PRPH2: variants seen among roughly 807,000 people sequenced by gnomAD.
PRPH2 encodes the protein peripherin 2, also known as peripherin-2.
Under a neutral mutation model 31.3 loss-of-function variants are expected in PRPH2, and 17 were observed. The observed-to-expected ratio is 0.54, with a 90% CI of 0.37 to 0.81. The LOEUF is 0.81. PRPH2 is among the 40% of genes least tolerant of loss of function. The pLI, the probability that PRPH2 is intolerant of heterozygous loss-of-function variation, is 0.00. For synonymous variants in PRPH2, 165 were observed against 184.4 expected (o/e 0.89, Z 0.85); for missense variants, 430 against 439.7 (o/e 0.98, Z 0.20).
intron 1 of PRPH2, among the ~76,000 whole-genome samples, chr6:42,709,056 C>T (rs1800225453): frequency 2.0e-5 from 3 of 152,078 alleles, no homozygotes; most frequent in African/African-American, 4.8e-5. Flanking sequence ...TCCAGCCGGG[C>T]GCGGTGGCTC....
chr6:42,713,660 C>G (rs1761719206), intron 1 of PRPH2, among the ~76,000 whole-genome samples: 1 of 151,888 alleles, frequency 6.6e-6, no homozygotes. Context: ...GTGGCTCACA[C>G]CTGTAATCTC....
intron 2 of PRPH2, among the ~76,000 whole-genome samples, chr6:42,699,962 C>CTTTT (rs70990126): frequency 0.47 from 65,249 of 137,560 alleles, 16,106 homozygotes; most frequent in South Asian, 0.52. Context: ...ATTGTTTTCA[C>CTTTT]TTTTTTTTTT....
At chr6:42,721,692 G>C in intron 1 of PRPH2, 62 bp downstream of exon 1, 5 of 1,588,140 alleles carry the variant, frequency 3.1e-6, no homozygotes, top group Non-Finnish European at 4.3e-6. Flanking sequence ...CTGGTCAGAG[G>C]CCTGAGCCTC....
At chr6:42,719,132 C>T (rs1010812811) in intron 1 of PRPH2, among the ~76,000 whole-genome samples, 15 of 151,432 alleles carry the variant, frequency 9.9e-5, no homozygotes, top group Non-Finnish European at 1.9e-4. Context: ...AATCTGAATG[C>T]TTGCCTAAGC....
rs955930526 is a variant in PRPH2 at position 42,698,327 on chromosome 6, C to A, written c.1009G>T (p.Ala337Ser). 6.2e-7 allele frequency: 1 copy of A among 1,613,974 alleles called. No homozygotes were observed. The highest frequency in any genetic ancestry group is 8.5e-7 in the Non-Finnish European group (1 of 1,179,904). Reference protein sequence around the residue: ...GKGNQVEAEGADAGQAPEAG With the variant: ...GKGNQVEAEGSDAGQAPEAG ...GCCTCTGGGGCCTGGCCTGCGTCTG[C>A]GCCCTCGGCTTCCACCTGGTTGCCC... Residue 337 changes from alanine (A) to serine (S), a missense_variant, in exon 3 of 3, where the codon GCA becomes TCA. Coordinates refer to ENST00000230381, the MANE Select transcript of PRPH2 (RefSeq NM_000322.5).
At chr6:42,719,740 TG>T (rs1761861721) in intron 1 of PRPH2, among the ~76,000 whole-genome samples, 1 of 151,930 alleles carries the variant, frequency 6.6e-6, no homozygotes, top group Non-Finnish European at 1.5e-5. Flanking sequence ...CGGCTAATTT[TG>T]TATTTTTAGT....
rs75063935 is a variant in PRPH2, at chr6:42,704,631, C to G, written c.582-20G>C. 6 of 1,614,100 alleles carry G rather than the reference C, an allele frequency of 3.7e-6. No individual in the cohort carries two copies. In the East Asian group the frequency reaches 1.3e-4, roughly 36 times the overall value. ...ATTCGACTTAAAGGGAAACAGACAG[C>G]TGGAGATGGGCTTCCCGGGCTTCTC... is the stretch of plus-strand genomic sequence containing the variant. On this transcript the variant is annotated intron_variant, in intron 1 of 2. Coordinates refer to ENST00000230381, the MANE Select transcript of PRPH2 (RefSeq NM_000322.5).
At chr6:42,705,619 T>A (rs1238796130) in intron 1 of PRPH2, among the ~76,000 whole-genome samples, 1 of 123,476 alleles carries the variant, frequency 8.1e-6, no homozygotes, top group East Asian at 2.4e-4. Flanking sequence ...TATATATATA[T>A]ATATATATAT....
chr6:42,718,955 G>A (rs1240003892), intron 1 of PRPH2, among the ~76,000 whole-genome samples: 1 of 152,060 alleles, frequency 6.6e-6, no homozygotes, highest in African/African-American at 2.4e-5. Flanking sequence ...GTGCGCCACT[G>A]ATCCCAGCCC....
In PRPH2 at chr6:42,698,337, T is replaced by A. The variant is rs1382506896; in HGVS notation, c.999A>T (p.Glu333Asp). Residue 333 changes from glutamate (E) to aspartate (D), a missense_variant, in exon 3 of 3, where the codon GAA (glutamate) becomes GAT (aspartate). By Grantham distance (45) the Glu-to-Asp change is conservative. Coordinates refer to ENST00000230381, the MANE Select transcript of PRPH2 (RefSeq NM_000322.5). ...VKKLGKGNQVEAEGADAGQAP... is the reference protein window; with the variant it reads ...VKKLGKGNQVDAEGADAGQAP... ...CCTGGCCTGCGTCTGCGCCCTCGGC[T>A]TCCACCTGGTTGCCCTTGCCCAGCT... 1 of 1,613,962 alleles carries A rather than the reference T, an allele frequency of 6.2e-7. No individual in the cohort carries two copies. Among genetic ancestry groups the A allele is most frequent in the East Asian group, 2.2e-5 (1 of 44,856 alleles).
Position 42,698,255 on chromosome 6 carries a change from C to G in PRPH2, c.*40G>C. 1.9e-6 allele frequency: 3 copies of G among 1,611,464 alleles called. No homozygotes were observed. The highest frequency in any genetic ancestry group is 2.5e-6 in the Non-Finnish European group (3 of 1,179,414). ...GGAGATCCACGTTTCTTGGAGTGCA[C>G]TATTTCTCAGTGTTCGGGAGGGGAG... On this transcript the variant is annotated 3_prime_UTR_variant, in exon 3 of 3. Coordinates refer to ENST00000230381, the MANE Select transcript of PRPH2 (RefSeq NM_000322.5).
chr6:42,703,504 G>A (rs1487700208), intron 2 of PRPH2, among the ~76,000 whole-genome samples: 1 of 152,026 alleles, frequency 6.6e-6, no homozygotes, highest in East Asian at 1.9e-4. Flanking sequence ...TAACAGAGAG[G>A]TTAAATGACT....
chr6:42,714,433 C>T lies in PRPH2; in HGVS notation c.581+7321G>A, dbSNP rs113139388. Among the ~76,000 whole-genome samples, 395 of 152,130 alleles carry T rather than the reference C, an allele frequency of 2.6e-3. 1 individual carries two copies. Among genetic ancestry groups the T allele is most frequent in the Admixed American group, 5.0e-3 (77 of 15,256 alleles). On this transcript the variant is annotated intron_variant, in intron 1 of 2. Coordinates refer to ENST00000230381, the MANE Select transcript of PRPH2 (RefSeq NM_000322.5). ...AAAATTGATTGTAATGCTGGTTGTCCGACTGTGAATATACTAAAAACCATT... is the reference window on the plus strand; with the variant it reads ...AAAATTGATTGTAATGCTGGTTGTCTGACTGTGAATATACTAAAAACCATT...
rs199572514 is a variant in PRPH2, at chr6:42,721,871, G to A, written c.464C>T (p.Thr155Ile). 68 of 1,614,084 alleles carry A rather than the reference G, an allele frequency of 4.2e-5. No homozygotes were observed. The highest frequency in any genetic ancestry group is 5.4e-5 in the Non-Finnish European group (64 of 1,180,036). ...GAACTCGATCTGCAGCATGTCGATG[G>A]TCTTCTTCATGAAACACCTGCCAGG... ...DTPGRCFMKK[T>I]IDMLQIEFKC... The change falls in exon 1 of 3, where the codon ACC (threonine) becomes ATC (isoleucine). Residue 155 changes from threonine (T) to isoleucine (I), a missense_variant. Transcript: ENST00000230381.
chr6:42,717,672 T>A (rs1475732619), intron 1 of PRPH2, among the ~76,000 whole-genome samples: 1 of 151,860 alleles, frequency 6.6e-6, no homozygotes, highest in African/African-American at 2.4e-5. Flanking sequence ...ACAGAAAAAA[T>A]TTTTTAGTTT....
chr6:42,699,562 G>A (rs113169358), intron 2 of PRPH2, among the ~76,000 whole-genome samples: 54 of 152,218 alleles, frequency 3.5e-4, no homozygotes, highest in East Asian at 2.1e-3. Flanking sequence ...TGCCCACCCC[G>A]TGTGGATACT....
intron 1 of PRPH2, among the ~76,000 whole-genome samples, chr6:42,709,019 C>T (rs1043402153): frequency 3.9e-5 from 6 of 152,238 alleles, no homozygotes; most frequent in Admixed American, 1.3e-4. Context: ...GGCAAGGCCT[C>T]GCCCAAAGCC....
At chr6:42,719,044 A>G (rs1370119700) in intron 1 of PRPH2, among the ~76,000 whole-genome samples, 2 of 152,260 alleles carry the variant, frequency 1.3e-5, no homozygotes, top group African/African-American at 2.4e-5. Context: ...GCCTAAGGGA[A>G]ATAAAAGACA....
At chr6:42,713,702 C>A (rs1761720204) in intron 1 of PRPH2, among the ~76,000 whole-genome samples, 1 of 151,820 alleles carries the variant, frequency 6.6e-6, no homozygotes, top group African/African-American at 2.4e-5. Flanking sequence ...AGGAAGATCA[C>A]CTGAGGTCAG....
Sources: gnomAD v4.1 joint callset for allele counts (sites outside exome capture counted in the v4.1 genomes callset) on GRCh38, gnomAD v4.1.1 for gene constraint, MANE v1.5 for transcripts, NCBI Gene and HGNC (gene_info 2026-07-23, HGNC 2026-07-21) for gene names.